STON1: variants seen among roughly 807,000 people sequenced by gnomAD.
The protein encoded by STON1 is stonin 1, also known as stonin-1.
In STON1, 79 loss-of-function variants were observed where a neutral mutation model predicts 60.9. The observed-to-expected ratio is 1.30, with a 90% CI of 1.08 to 1.56. STON1 has a LOEUF of 1.56. Among genes scored for constraint, STON1 ranks in the 40% most tolerant of loss-of-function variants. The pLI is 0.00. For synonymous variants in STON1, 363 were observed against 306.9 expected, an observed-to-expected ratio of 1.18 and a Z score of -1.91; for missense variants, 1,166 against 858.9, an observed-to-expected ratio of 1.36 and a Z score of -4.47.
chr2:48,558,282 G>A (rs1478488921), intron 1 of STON1, among the ~76,000 whole-genome samples: 4 of 152,182 alleles, frequency 2.6e-5, no homozygotes, highest in African/African-American at 4.8e-5. Context: ...AAGTTGTTAC[G>A]TATTTATACA....
At chr2:48,568,221 C>A (rs1431016612) in intron 1 of STON1, among the ~76,000 whole-genome samples, 1 of 152,082 alleles carries the variant, frequency 6.6e-6, no homozygotes, top group East Asian at 1.9e-4. Flanking sequence ...CATCAGTCCT[C>A]CCCCAACATC....
intron 1 of STON1, among the ~76,000 whole-genome samples, chr2:48,573,890 A>G (rs1673341515): frequency 6.6e-6 from 1 of 152,214 alleles, no homozygotes; most frequent in Admixed American, 6.5e-5. Flanking sequence ...TGACCTTGGA[A>G]ACATTATGCT....
At chr2:48,584,794 A>C (rs903299519) in intron 2 of STON1, among the ~76,000 whole-genome samples, 5 of 152,088 alleles carry the variant, frequency 3.3e-5, no homozygotes, top group African/African-American at 1.2e-4. Flanking sequence ...CCCAGACTAC[A>C]ATTGACTTGA....
rs1383480629 is a variant in STON1 at position 48,574,893 on chromosome 2, C to G, written c.-47-5694C>G. Among the ~76,000 whole-genome samples the G allele has an allele frequency of 3.3e-5, 5 of 152,356 alleles. No individual in the cohort carries two copies. The South Asian group carries it at 8.3e-4, about 25-fold the overall frequency. On this transcript the variant is annotated intron_variant, in intron 1 of 3. Coordinates refer to ENST00000404752, the MANE Select transcript of STON1 (RefSeq NM_006873.4). ...GAAACTACACAACAGGAAATCTACT[C>G]TTTTAAAAGTTTTCAACTGTTAAAA...
intron 1 of STON1, among the ~76,000 whole-genome samples, chr2:48,576,950 A>T (rs149841466): frequency 0.03 from 4,549 of 151,884 alleles, 204 homozygotes; most frequent in African/African-American, 0.1. Context: ...GCTACTTGGG[A>T]GGCTGAGGTA....
intron 1 of STON1, among the ~76,000 whole-genome samples, chr2:48,577,940 C>G (rs72824120): frequency 4.7e-5 from 7 of 150,208 alleles, no homozygotes; most frequent in African/African-American, 1.7e-4. Context: ...AAACAAAAAA[C>G]CCCCCAGAGT....
intron 1 of STON1, among the ~76,000 whole-genome samples, chr2:48,558,698 G>T (rs7587886): frequency 1 from 152,318 of 152,320 alleles, 76,158 homozygotes; most frequent in Middle Eastern, 1. Flanking sequence ...TAGTGGCAAA[G>T]GGCTTGTTTG....
chr2:48,571,883 G>A (rs56837599), intron 1 of STON1, among the ~76,000 whole-genome samples: 8,772 of 152,272 alleles, frequency 0.058, 302 homozygotes, highest in Middle Eastern at 0.099. Flanking sequence ...AGGATTGATA[G>A]GCTGGGCACG....
chr2:48,587,019 A>G lies in STON1; in HGVS notation c.1930+4456A>G, dbSNP rs375896969. ...GTGCCATTAGCCGAGATAGCCTGGG[A>G]TCTTCTCATCACTCATCCTTTTAAA... is the stretch of plus-strand genomic sequence containing the variant. On this transcript the variant is annotated intron_variant, in intron 2 of 3. Coordinates refer to ENST00000404752, the MANE Select transcript of STON1 (RefSeq NM_006873.4). Among the ~76,000 whole-genome samples the G allele has an allele frequency of 3.8e-3, 576 of 152,240 alleles. 1 individual carries two copies. The highest frequency in any genetic ancestry group is 0.013 in the African/African-American group (536 of 41,532).
At chr2:48,562,163 A>G (rs1382955509) in intron 1 of STON1, among the ~76,000 whole-genome samples, 1 of 152,168 alleles carries the variant, frequency 6.6e-6, no homozygotes, top group Non-Finnish European at 1.5e-5. Flanking sequence ...ACCTGGCCTC[A>G]TGTTACTTTT....
intron 1 of STON1, among the ~76,000 whole-genome samples, chr2:48,552,361 TAA>T (rs1672140593): frequency 6.6e-6 from 1 of 152,146 alleles, no homozygotes; most frequent in South Asian, 2.1e-4. Context: ...GAATGAGGAC[TAA>T]GTGTTTTATG....
At chr2:48,574,236 T>G (rs920125347) in intron 1 of STON1, among the ~76,000 whole-genome samples, 3 of 151,816 alleles carry the variant, frequency 2.0e-5, no homozygotes, top group African/African-American at 7.3e-5. Flanking sequence ...ATTAGCCGGG[T>G]GTGGTGGCGT....
At chr2:48,564,560 TC>T (rs1672828509) in intron 1 of STON1, among the ~76,000 whole-genome samples, 2 of 58,430 alleles carry the variant, frequency 3.4e-5, no homozygotes, top group Non-Finnish European at 6.7e-5. Flanking sequence ...TTCTTCTTCT[TC>T]TTCTTCTCCT....
chr2:48,586,341 C>T (rs2103937501), intron 2 of STON1, among the ~76,000 whole-genome samples: 1 of 152,288 alleles, frequency 6.6e-6, no homozygotes, highest in Non-Finnish European at 1.5e-5. Flanking sequence ...TTAAGAGATA[C>T]AGACACAAAC....
At chr2:48,564,411 T>TTCTTCTTCTTCCTCTTCC (rs1423544836) in intron 1 of STON1, among the ~76,000 whole-genome samples, 1 of 33,232 alleles carries the variant, frequency 3.0e-5, no homozygotes, top group African/African-American at 1.1e-4. Context: ...CGGTGTCTTC[T>TTCTTCTTCTTCCTCTTCC]TCTTCTTCTT....
Position 48,581,402 on chromosome 2 carries a change from G to GA in STON1, c.773dup (p.Asn258LysfsTer27), listed in dbSNP as rs756716936. Reference sequence around the variant, plus strand: ...GTCTATGCACTGTCTATGTGCTGAAGAAAATGCCTCTTCCTTTGTCCCCCA... The same window carrying GA: ...GTCTATGCACTGTCTATGTGCTGAAGAAAAATGCCTCTTCCTTTGTCCCCCA... On this transcript the variant is annotated frameshift_variant, in exon 2 of 4. Coordinates refer to ENST00000404752, the MANE Select transcript of STON1 (RefSeq NM_006873.4). LOFTEE classifies it high-confidence loss of function. The GA allele has an allele frequency of 3.5e-4, 567 of 1,609,522 alleles. No homozygotes were observed. Among genetic ancestry groups the GA allele is most frequent in the Non-Finnish European group, 4.5e-4 (530 of 1,177,330 alleles).
At chr2:48,562,018 G>A (rs1267840704) in intron 1 of STON1, among the ~76,000 whole-genome samples, 2 of 151,998 alleles carry the variant, frequency 1.3e-5, no homozygotes, top group Admixed American at 6.6e-5. Context: ...GCGCCACCAC[G>A]CCCAGCTAAT....
chr2:48,533,140 T>A (rs1487187652), intron 1 of STON1, among the ~76,000 whole-genome samples: 1 of 152,018 alleles, frequency 6.6e-6, no homozygotes, highest in African/African-American at 2.4e-5. Flanking sequence ...TCCCAGCACT[T>A]GGGGAGGCCA....
At chr2:48,548,575 T>C (rs777644305) in intron 1 of STON1, among the ~76,000 whole-genome samples, 1 of 151,936 alleles carries the variant, frequency 6.6e-6, no homozygotes, top group Non-Finnish European at 1.5e-5. Context: ...CTCGGCTCAC[T>C]GAAGCCTCCA....
Sources: allele counts gnomAD v4.1 joint callset (sites outside exome capture counted in the v4.1 genomes callset), GRCh38; gene constraint gnomAD v4.1.1; transcripts MANE v1.5; gene names NCBI Gene and HGNC (gene_info 2026-07-23, HGNC 2026-07-21).